The following MKRN2 variants were observed in gnomAD, a reference collection of about 807,000 sequenced individuals.
MKRN2 encodes the protein makorin ring finger protein 2, also known as E3 ubiquitin-protein ligase makorin-2.
MKRN2 carries 32 observed loss-of-function variants against 45.4 expected under a neutral mutation model. The ratio of observed to expected loss-of-function variants is 0.70; its 90% CI spans 0.53 to 0.95. The LOEUF is 0.95. Ranked by LOEUF, MKRN2 falls within the 40% of genes least tolerant of loss-of-function variation. The probability of loss-of-function intolerance (pLI) is 0.00; values close to 1 mark genes in which losing one functional copy is unlikely to be tolerated. For missense variants in MKRN2, 526 were observed against 536.7 expected (o/e 0.98, Z 0.20); for synonymous variants, 206 against 192.4 (o/e 1.07, Z -0.59).
rs769861324 is a variant in MKRN2 at position 12,582,205 on chromosome 3, CG to C, written c.1207del (p.Asp403ThrfsTer17). 1 of 1,613,916 alleles carries C rather than the reference CG, an allele frequency of 6.2e-7. No individual in the cohort carries two copies. Among genetic ancestry groups the C allele is most frequent in the East Asian group, 2.2e-5 (1 of 44,886 alleles). On this transcript the variant is annotated frameshift_variant, in exon 8 of 8. Transcript: ENST00000170447. LOFTEE classifies it high-confidence loss of function. ...NNEDVDMTEL[G>X]DLFMHLSGVE... ...ATGAAGATGTCGACATGACAGAGCT[CG>C]GGGACCTCTTCATGCACCTTTCTGG...
intron 1 of MKRN2, among the ~76,000 whole-genome samples, chr3:12,567,415 G>A (rs913734276): frequency 8.6e-5 from 13 of 150,514 alleles, no homozygotes; most frequent in Non-Finnish European, 3.0e-5. Context: ...AACCACAGGT[G>A]CATACCACCA....
At chr3:12,562,086 C>T (rs886503652) in intron 1 of MKRN2, among the ~76,000 whole-genome samples, 1 of 152,128 alleles carries the variant, frequency 6.6e-6, no homozygotes, top group African/African-American at 2.4e-5. Flanking sequence ...ACATCTGTCC[C>T]TCCCTGAGAG....
intron 6 of MKRN2, 191 bp downstream of exon 6, chr3:12,576,932 TG>T: frequency 8.6e-5 from 16 of 186,740 alleles, no homozygotes; most frequent in East Asian, 5.3e-4. Flanking sequence ...TTAGTTTTGG[TG>T]TTTTTTTTTT....
Position 12,583,236 on chromosome 3 carries a change from CATTTTG to C in MKRN2, c.*989_*994del, listed in dbSNP as rs2058200194. On this transcript the variant is annotated 3_prime_UTR_variant, in exon 8 of 8. Coordinates refer to ENST00000170447, the MANE Select transcript of MKRN2 (RefSeq NM_014160.5). ...GAGAGCTGATGGCAAGTCTTGTAGTCATTTTGATTTTAATTGAAGGGTGAGCATAAC... is the reference window on the plus strand; with the variant it reads ...GAGAGCTGATGGCAAGTCTTGTAGTCATTTTAATTGAAGGGTGAGCATAAC... 1 of 152,256 alleles carries C rather than the reference CATTTTG, an allele frequency of 6.6e-6. No homozygotes were observed. The allele number at this position is 152,256 out of a possible 1,614,324, so 9.4% of individuals were successfully genotyped here. A position where few individuals can be genotyped will look rare whatever the true frequency, so the allele number is the denominator to read the frequency against.
intron 6 of MKRN2, chr3:12,577,176 T>C (rs2058146458): frequency 6.5e-6 from 1 of 152,842 alleles, no homozygotes; most frequent in South Asian, 2.0e-4. Context: ...TAGGCTCAAG[T>C]GATCCTCCTG....
intron 1 of MKRN2, among the ~76,000 whole-genome samples, chr3:12,567,753 A>C (rs1331093183): frequency 1.3e-5 from 2 of 152,030 alleles, no homozygotes. Flanking sequence ...GGCCTCCCAA[A>C]GTACTAGGAT....
chr3:12,566,077 C>T (rs1211181541), intron 1 of MKRN2, among the ~76,000 whole-genome samples: 1 of 152,060 alleles, frequency 6.6e-6, no homozygotes, highest in Non-Finnish European at 1.5e-5. Context: ...TGACCTCAAA[C>T]TCCTGGGTTC....
chr3:12,563,553 G>C (rs1376426534), intron 1 of MKRN2, among the ~76,000 whole-genome samples: 1 of 142,588 alleles, frequency 7.0e-6, no homozygotes, highest in Admixed American at 7.3e-5. Flanking sequence ...GCAGTGGCAC[G>C]ATCTCGGCTC....
At chr3:12,569,307 T>G (rs993964353) in intron 2 of MKRN2, among the ~76,000 whole-genome samples, 1 of 146,048 alleles carries the variant, frequency 6.8e-6, no homozygotes, top group Non-Finnish European at 1.5e-5. Flanking sequence ...CATCTGCCAC[T>G]ACGCCTGGCT....
rs375512119 is a variant in MKRN2 at position 12,579,317 on chromosome 3, A to G, written c.969-2491A>G. Among the ~76,000 whole-genome samples the G allele has an allele frequency of 3.2e-4, 48 of 152,220 alleles. 2 individuals are homozygous for G. The South Asian group carries it at 8.5e-3, about 27-fold the overall frequency. On this transcript the variant is annotated intron_variant, in intron 6 of 7. Coordinates refer to ENST00000170447, the MANE Select transcript of MKRN2 (RefSeq NM_014160.5). ...GTAGCTGGGATTACAGGTGTGCGCCACGACACCCAGCTAATTTTTGTATTT... is the reference window on the plus strand; with the variant it reads ...GTAGCTGGGATTACAGGTGTGCGCCGCGACACCCAGCTAATTTTTGTATTT...
chr3:12,576,846 C>T lies in MKRN2; in HGVS notation c.968+105C>T, dbSNP rs1040464220. ...GGAGTGTGGTCTTAGGGGCCTCTTC[C>T]TCTCTTCCTTCTCTCAGGCACCATG... is the stretch of plus-strand genomic sequence containing the variant. On this transcript the variant is annotated intron_variant, in intron 6 of 7. Coordinates refer to ENST00000170447, the MANE Select transcript of MKRN2 (RefSeq NM_014160.5). 3.3e-5 allele frequency: 23 copies of T among 693,720 alleles called. No homozygotes were observed. The African/African-American group carries it at 3.5e-4, about 11-fold the overall frequency. The allele number at this position is 693,720 out of a possible 1,614,324, so 43.0% of individuals were successfully genotyped here.
At chr3:12,574,645 G>C in intron 4 of MKRN2, 147 bp from the exon 5 acceptor site, 2 of 725,604 alleles carry the variant, frequency 2.8e-6, no homozygotes, top group South Asian at 3.5e-5. Context: ...GTCCTGACTT[G>C]GGGGAGCCTG....
At chr3:12,560,529 G>A (rs977405337) in intron 1 of MKRN2, among the ~76,000 whole-genome samples, 2 of 150,292 alleles carry the variant, frequency 1.3e-5, no homozygotes, top group Non-Finnish European at 1.5e-5. Context: ...CTGTATACTT[G>A]GAAGTGATTT....
intron 1 of MKRN2, among the ~76,000 whole-genome samples, chr3:12,561,374 T>TA (rs1342173946): frequency 1.3e-5 from 2 of 152,308 alleles, no homozygotes; most frequent in African/African-American, 4.8e-5. Flanking sequence ...GACCACTACC[T>TA]AAAAAAGTCT....
At chr3:12,564,805 C>T (rs2058060425) in intron 1 of MKRN2, among the ~76,000 whole-genome samples, 1 of 152,230 alleles carries the variant, frequency 6.6e-6, no homozygotes, top group East Asian at 1.9e-4. Context: ...CCTAGGCAAC[C>T]ACTTAATCTA....
At chr3:12,570,355 A>G in intron 3 of MKRN2, 103 bp downstream of exon 3, 1 of 1,141,546 alleles carries the variant, frequency 8.8e-7, no homozygotes, top group Non-Finnish European at 1.2e-6. Flanking sequence ...TCCTAACCTA[A>G]TACACCTCCA....
At chr3:12,557,910 T>C (rs1465853431) in intron 1 of MKRN2, among the ~76,000 whole-genome samples, 1 of 152,232 alleles carries the variant, frequency 6.6e-6, no homozygotes, top group Non-Finnish European at 1.5e-5. Context: ...AATAGCCAGA[T>C]AGCTACACTA....
chr3:12,573,355 G>A (rs1165486198), intron 4 of MKRN2, among the ~76,000 whole-genome samples: 1 of 149,638 alleles, frequency 6.7e-6, no homozygotes. Flanking sequence ...TAAGATCCCC[G>A]TCTCTACAAA....
At position 12,573,643 on chromosome 3, in the gene MKRN2, C is replaced by T. The variant is rs1048573127; in HGVS notation, c.643-1149C>T. Among the ~76,000 whole-genome samples, 7 of 152,088 alleles carry T rather than the reference C, an allele frequency of 4.6e-5. No individual in the cohort carries two copies. The East Asian group carries it at 1.3e-3, about 29-fold the overall frequency. ...GCACAGTGGCTCACGCCTGTAATCC[C>T]AGCACTTTGGGAGGACGAGGCAGGC... On this transcript the variant is annotated intron_variant, in intron 4 of 7. Coordinates refer to ENST00000170447, the MANE Select transcript of MKRN2 (RefSeq NM_014160.5).
Sources: gnomAD v4.1 joint callset for allele counts (sites outside exome capture counted in the v4.1 genomes callset) on GRCh38, gnomAD v4.1.1 for gene constraint, MANE v1.5 for transcripts, NCBI Gene and HGNC (gene_info 2026-07-23, HGNC 2026-07-21) for gene names.